The following SORCS1 variants were observed in gnomAD, a reference collection of about 807,000 sequenced individuals.
SORCS1 encodes the protein sortilin related VPS10 domain containing receptor 1.
In SORCS1, 60 loss-of-function variants were observed where a neutral mutation model predicts 146.1. The observed-to-expected ratio is 0.41, with a 90% CI of 0.33 to 0.51. The LOEUF is 0.51. Among genes scored for constraint, SORCS1 ranks in the 20% least tolerant of loss-of-function variants. SORCS1 has a pLI of 0.21. For synonymous variants in SORCS1, 637 were observed against 584.0 expected (o/e 1.09, Z -1.31); for missense variants, 1,352 against 1,487.6 (o/e 0.91, Z 1.50).
At chr10:106,743,499 A>G (rs888057248) in intron 5 of SORCS1, among the ~76,000 whole-genome samples, 1 of 152,162 alleles carries the variant, frequency 6.6e-6, no homozygotes, top group Non-Finnish European at 1.5e-5. Context: ...ATCTCAGCTC[A>G]CTGCAACCTC....
chr10:107,006,527 G>A lies in SORCS1; in HGVS notation c.559-49947C>T, dbSNP rs372799754. On this transcript the variant is annotated intron_variant, in intron 1 of 25. Transcript: ENST00000263054. Reference sequence around the variant, plus strand: ...TTTCAAAGAAGAGAACATGAAAATAGTAACTTTCCACCGGGCATGGTGGCT... The same window carrying A: ...TTTCAAAGAAGAGAACATGAAAATAATAACTTTCCACCGGGCATGGTGGCT... Among the ~76,000 whole-genome samples, 8 of 152,338 alleles carry A rather than the reference G, an allele frequency of 5.3e-5. No individual in the cohort carries two copies. In the East Asian group the frequency reaches 5.8e-4, roughly 11 times the overall value.
chr10:106,575,236 T>A lies in SORCS1; in HGVS notation c.*2184A>T, dbSNP rs369056941. ...GGATCAATTGAGTTCTACAAATAGG[T>A]GACTGCCTCAGGCCTAGCCCATTTC... On this transcript the variant is annotated 3_prime_UTR_variant, in exon 26 of 26. Transcript: ENST00000263054. 2.6e-5 allele frequency: 4 copies of A among 152,524 alleles called. No homozygotes were observed. Among genetic ancestry groups the A allele is most frequent in the East Asian group, 3.8e-4 (2 of 5,198 alleles). The allele number at this position is 152,524 out of a possible 1,614,324, so 9.4% of individuals were successfully genotyped here. A position where few individuals can be genotyped will look rare whatever the true frequency, so the allele number is the denominator to read the frequency against.
intron 1 of SORCS1, among the ~76,000 whole-genome samples, chr10:106,978,834 G>A (rs959545021): frequency 1.3e-5 from 2 of 151,366 alleles, no homozygotes; most frequent in Non-Finnish European, 2.9e-5. Context: ...AAGTATTTTT[G>A]GTTTGTGGAC....
chr10:106,801,705 T>G (rs1324680822), intron 3 of SORCS1, among the ~76,000 whole-genome samples: 1 of 152,066 alleles, frequency 6.6e-6, no homozygotes, highest in Non-Finnish European at 1.5e-5. Flanking sequence ...AATTTTTTTG[T>G]ATTTTTACTA....
chr10:106,704,560 C>T (rs539232126), intron 8 of SORCS1, among the ~76,000 whole-genome samples: 3 of 152,028 alleles, frequency 2.0e-5, no homozygotes, highest in Non-Finnish European at 2.9e-5. Flanking sequence ...CTTGGTGGCA[C>T]GCTCCTGTAG....
intron 1 of SORCS1, among the ~76,000 whole-genome samples, chr10:107,007,617 T>C (rs1589914478): frequency 6.6e-6 from 1 of 152,368 alleles, no homozygotes; most frequent in African/African-American, 2.4e-5. Context: ...TAAAGATATG[T>C]TGGAGTTTTA....
Position 106,955,096 on chromosome 10 carries a change from G to A in SORCS1, c.626+1417C>T, listed in dbSNP as rs1954872481. On this transcript the variant is annotated intron_variant, in intron 2 of 25. Transcript: ENST00000263054. ...CTGAACGAGCTGTAACACGAATGAG[G>A]TGAAACCCACCCCCACCCTGTTTGC... 2.6e-5 allele frequency among the ~76,000 whole-genome samples: 4 copies of A among 152,318 alleles called. No homozygotes were observed. The South Asian group carries it at 6.2e-4, about 24-fold the overall frequency.
At position 106,985,725 on chromosome 10, in the gene SORCS1, C is replaced by A. The variant is rs909232031; in HGVS notation, c.559-29145G>T. 1.1e-4 allele frequency among the ~76,000 whole-genome samples: 17 copies of A among 151,938 alleles called. 1 individual carries two copies. The Middle Eastern group carries it at 0.014, about 122-fold the overall frequency. ...CCAATTTTTGTATTTTTAGTAGAGA[C>A]GGGGTTTCACCATGTTGGCCAGGAT... On this transcript the variant is annotated intron_variant, in intron 1 of 25. Transcript: ENST00000263054.
At chr10:107,129,361 C>G (rs762709915) in intron 1 of SORCS1, among the ~76,000 whole-genome samples, 1 of 152,142 alleles carries the variant, frequency 6.6e-6, no homozygotes, top group Non-Finnish European at 1.5e-5. Context: ...CAGGCTCAAG[C>G]GAGAGCTGCC....
chr10:106,717,871 C>T (rs1270090271), intron 6 of SORCS1, among the ~76,000 whole-genome samples: 1 of 152,184 alleles, frequency 6.6e-6, no homozygotes, highest in Non-Finnish European at 1.5e-5. Flanking sequence ...CATACCTCTG[C>T]ACAGATGTTT....
chr10:106,687,940 C>T (rs1589664836), intron 10 of SORCS1, among the ~76,000 whole-genome samples: 1 of 152,160 alleles, frequency 6.6e-6, no homozygotes, highest in East Asian at 1.9e-4. Context: ...CCATTTGAGG[C>T]CCTCATCAGA....
At chr10:106,651,516 GA>G (rs1849863819) in intron 18 of SORCS1, among the ~76,000 whole-genome samples, 1 of 152,152 alleles carries the variant, frequency 6.6e-6, no homozygotes, top group African/African-American at 2.4e-5. Context: ...GGTAAAAACT[GA>G]GGGTCCCTGG....
At chr10:107,146,573 G>T (rs976212567) in intron 1 of SORCS1, among the ~76,000 whole-genome samples, 1 of 152,016 alleles carries the variant, frequency 6.6e-6, no homozygotes, top group African/African-American at 2.4e-5. Context: ...TGTATGTCAG[G>T]TATACACCAG....
chr10:106,616,307 G>A (rs1184463139), intron 21 of SORCS1, among the ~76,000 whole-genome samples: 2 of 151,924 alleles, frequency 1.3e-5, no homozygotes, highest in East Asian at 3.9e-4. Context: ...CCAAGAGGGA[G>A]AGAAAGGAAA....
At chr10:107,156,322 G>A (rs1312893974) in intron 1 of SORCS1, among the ~76,000 whole-genome samples, 1 of 152,158 alleles carries the variant, frequency 6.6e-6, no homozygotes, top group Non-Finnish European at 1.5e-5. Flanking sequence ...CTGCTAGCTG[G>A]GTAACCTTGA....
At chr10:107,097,054 G>A (rs1035162015) in intron 1 of SORCS1, among the ~76,000 whole-genome samples, 5 of 151,960 alleles carry the variant, frequency 3.3e-5, no homozygotes, top group Non-Finnish European at 5.9e-5. Context: ...AGATCTTTTC[G>A]CAAAGTCACA....
Position 107,060,172 on chromosome 10 carries a change from G to T in SORCS1, c.559-103592C>A, listed in dbSNP as rs570745321. On this transcript the variant is annotated intron_variant, in intron 1 of 25. Transcript: ENST00000263054. The surrounding 1 kb of genome is among the most constrained non-coding windows in gnomAD (Gnocchi z 4.1). ...TATCAGATATGTACACATGCACACT[G>T]GAATATTAAAATGTAGACAGAAGGA... Among the ~76,000 whole-genome samples the T allele has an allele frequency of 1.9e-4, 29 of 151,836 alleles. No homozygotes were observed. Among genetic ancestry groups the T allele is most frequent in the South Asian group, 6.3e-4 (3 of 4,800 alleles).
intron 9 of SORCS1, among the ~76,000 whole-genome samples, chr10:106,693,833 C>T (rs1008863500): frequency 5.3e-5 from 8 of 152,086 alleles, no homozygotes; most frequent in Admixed American, 5.2e-4. Context: ...TGTAAGAAAA[C>T]CTTTTGTAAG....
chr10:106,581,801 A>G (rs1050461358), intron 24 of SORCS1, among the ~76,000 whole-genome samples: 1 of 152,188 alleles, frequency 6.6e-6, no homozygotes, highest in African/African-American at 2.4e-5. Context: ...TCATTACCAC[A>G]ATACCATCAT....
Sources: gnomAD v4.1 joint callset for allele counts (sites outside exome capture counted in the v4.1 genomes callset) on GRCh38, gnomAD v4.1.1 for gene constraint, Gnocchi (gnomAD v3.1) non-coding constraint, MANE v1.5 for transcripts, NCBI Gene and HGNC (gene_info 2026-07-23, HGNC 2026-07-21) for gene names.